PIGZ: variants seen among roughly 807,000 people sequenced by gnomAD.
The protein encoded by PIGZ is phosphatidylinositol glycan anchor biosynthesis class Z (Gwada blood group).
PIGZ carries 16 observed loss-of-function variants against 16.4 expected under a neutral mutation model. The ratio of observed to expected loss-of-function variants is 0.97; its 90% CI spans 0.66 to 1.48. The LOEUF (loss-of-function observed/expected upper bound fraction) is 1.48. PIGZ is among the 40% of genes most tolerant of loss of function. The probability of loss-of-function intolerance (pLI) is 0.00; values close to 1 mark genes in which losing one functional copy is unlikely to be tolerated. For missense variants in PIGZ, 770 were observed against 739.2 expected, an observed-to-expected ratio of 1.04 and a Z score of -0.48; for synonymous variants, 409 against 338.4, an observed-to-expected ratio of 1.21 and a Z score of -2.29.
At chr3:196,968,213 G>A (rs762119730) in intron 1 of PIGZ, among the ~76,000 whole-genome samples, 1 of 152,194 alleles carries the variant, frequency 6.6e-6, no homozygotes, top group African/African-American at 2.4e-5. Flanking sequence ...CCCCGAGGCC[G>A]GGAGCCGAGA....
At position 196,949,229 on chromosome 3, in the gene PIGZ, C is replaced by T. The variant is rs528401320; in HGVS notation, c.212-544G>A. Reference sequence around the variant, plus strand: ...CAGGTTTGAGCCACTGCACCTGGCCCGCAGGATGGACTGTATCCTGAGATT... The same window carrying T: ...CAGGTTTGAGCCACTGCACCTGGCCTGCAGGATGGACTGTATCCTGAGATT... On this transcript the variant is annotated intron_variant, in intron 2 of 2. Transcript: ENST00000412723. Among the ~76,000 whole-genome samples, 5 of 151,912 alleles carry T rather than the reference C, an allele frequency of 3.3e-5. No homozygotes were observed. In the South Asian group the frequency reaches 8.3e-4, roughly 25 times the overall value.
intron 1 of PIGZ, among the ~76,000 whole-genome samples, chr3:196,953,160 A>G (rs549091625): frequency 1.3e-3 from 205 of 152,280 alleles, no homozygotes; most frequent in African/African-American, 4.7e-3. Context: ...CCAGTTCCCT[A>G]TTGTTTCTGT....
In PIGZ at chr3:196,965,262, G is replaced by A. The variant is rs1358294374; in HGVS notation, c.-1+3425C>T. Among the ~76,000 whole-genome samples the A allele has an allele frequency of 2.0e-5, 3 of 152,212 alleles. No individual in the cohort carries two copies. The highest frequency in any genetic ancestry group is 1.9e-4 in the East Asian group (1 of 5,196). On this transcript the variant is annotated intron_variant, in intron 1 of 2. Coordinates refer to ENST00000412723, the MANE Select transcript of PIGZ (RefSeq NM_025163.4). The surrounding 1 kb of genome is among the most constrained non-coding windows in gnomAD (Gnocchi z 4.2). ...GTTTCAGGAAACTTACAGTCATAGC[G>A]GAAGGGGAAGCAGGCACCTCTTCAC...
In PIGZ at chr3:196,951,903, C is replaced by T; in HGVS notation, c.129G>A (p.Leu43=). ...GAAGGAGACACCACAGCACTCGGAG[C>T]AGGCTGAGACCACCCCAAAGCACCC... ...AVRVLWGGLS[L]LRVLWCLLPQ... Residue 43 remains leucine (L), a synonymous_variant, in exon 2 of 3, where the codon CTG becomes CTA. Transcript: ENST00000412723. The T allele has an allele frequency of 6.2e-7, 1 of 1,614,178 alleles. No individual in the cohort carries two copies. The highest frequency in any genetic ancestry group is 8.5e-7 in the Non-Finnish European group (1 of 1,180,026).
At position 196,948,951 on chromosome 3, in the gene PIGZ, C is replaced by T. The variant is rs114798900; in HGVS notation, c.212-266G>A. 4.7e-3 allele frequency among the ~76,000 whole-genome samples: 68 copies of T among 14,394 alleles called. 12 individuals are homozygous for T. Among genetic ancestry groups the T allele is most frequent in the East Asian group, 0.013 (3 of 230 alleles). 9.4% of individuals were successfully genotyped at this position (14,394 alleles called of 152,430 possible). On this transcript the variant is annotated intron_variant, in intron 2 of 2. Coordinates refer to ENST00000412723, the MANE Select transcript of PIGZ (RefSeq NM_025163.4). ...TCCCTTTACTTCCCTTCCTTCCCCT[C>T]CCCTCCCTTCCTTCCCTTCCCCTCC...
rs1405407502 is a variant in PIGZ at position 196,947,663 on chromosome 3, A to G, written c.1234T>C (p.Trp412Arg). Residue 412 changes from tryptophan (W) to arginine (R), a missense_variant, in exon 3 of 3, where the codon TGG becomes CGG. By Grantham distance (101) the Trp-to-Arg change is moderately radical. Coordinates refer to ENST00000412723, the MANE Select transcript of PIGZ (RefSeq NM_025163.4). ...LCSPQTQPVP[W>R]KGTVVLFNAL... Reference sequence around the variant, plus strand: ...TTGAAGAGGACCACAGTGCCCTTCCAAGGCACAGGCTGCGTCTGTGGACTA... The same window carrying G: ...TTGAAGAGGACCACAGTGCCCTTCCGAGGCACAGGCTGCGTCTGTGGACTA... 6.2e-7 allele frequency: 1 copy of G among 1,611,624 alleles called. No homozygotes were observed. The highest frequency in any genetic ancestry group is 1.3e-5 in the African/African-American group (1 of 75,042).
intron 1 of PIGZ, among the ~76,000 whole-genome samples, chr3:196,957,660 G>A (rs1012517461): frequency 6.6e-6 from 1 of 152,166 alleles, no homozygotes; most frequent in Admixed American, 6.5e-5. Context: ...GATTACAGGC[G>A]TGAGCCACTG....
chr3:196,947,502 GGT>G lies in PIGZ; in HGVS notation c.1393_1394del (p.Thr465LeufsTer26), dbSNP rs1560177231. On this transcript the variant is annotated frameshift_variant, in exon 3 of 3. Coordinates refer to ENST00000412723, the MANE Select transcript of PIGZ (RefSeq NM_025163.4). LOFTEE classifies it high-confidence loss of function. ...GTAGGAGGTGCCGGGGGGGCATGTA[GGT>G]GTGAGTGAAGAGGAGTGTGTAGTGG... ...PTHYTLLFTH[T>X]YMPPRHLLHL... The G allele has an allele frequency of 6.2e-7, 1 of 1,613,724 alleles. No homozygotes were observed. The highest frequency in any genetic ancestry group is 1.7e-5 in the Admixed American group (1 of 60,034).
At chr3:196,955,860 T>C (rs1717465366) in intron 1 of PIGZ, among the ~76,000 whole-genome samples, 1 of 152,134 alleles carries the variant, frequency 6.6e-6, no homozygotes, top group African/African-American at 2.4e-5. Flanking sequence ...ATTACAGATG[T>C]CAGCCACTGC....
At position 196,947,819 on chromosome 3, in the gene PIGZ, G is replaced by A. The variant is rs150517093; in HGVS notation, c.1078C>T (p.Arg360Trp). The A allele has an allele frequency of 4.1e-4, 663 of 1,608,830 alleles. No individual in the cohort carries two copies. Among genetic ancestry groups the A allele is most frequent in the Non-Finnish European group, 5.5e-4 (647 of 1,176,680 alleles). The change falls in exon 3 of 3, where the codon CGG becomes TGG. Residue 360 changes from arginine to tryptophan, a missense_variant. By Grantham distance (101) the Arg-to-Trp change is moderately radical (BLOSUM62 -3). Transcript: ENST00000412723. ...GACCTGGGGCTGGACAGCAGGCTCCGGGCACCCAGTGCCCTCAGGAGGCCC... is the reference window on the plus strand; with the variant it reads ...GACCTGGGGCTGGACAGCAGGCTCCAGGCACCCAGTGCCCTCAGGAGGCCC... The part of the protein sequence containing the change: ...QMGLLRALGA[R>W]SLLSSPRSYL...
intron 2 of PIGZ, among the ~76,000 whole-genome samples, chr3:196,949,045 TCCC>T: frequency 1.7e-5 from 1 of 59,966 alleles, no homozygotes; most frequent in Non-Finnish European, 2.9e-5. Context: ...CTTCCTTCCT[TCCC>T]TTCCCTTCCT....
chr3:196,955,745 A>G (rs920323793), intron 1 of PIGZ, among the ~76,000 whole-genome samples: 1 of 150,974 alleles, frequency 6.6e-6, no homozygotes, highest in Admixed American at 6.6e-5. Context: ...CGGCTGCCTA[A>G]TTTTTGTATT....
At chr3:196,959,585 C>G (rs557148284) in intron 1 of PIGZ, among the ~76,000 whole-genome samples, 1 of 152,134 alleles carries the variant, frequency 6.6e-6, no homozygotes, top group Admixed American at 6.5e-5. Context: ...AACAACCAAC[C>G]AAAACTCCCT....
intron 1 of PIGZ, among the ~76,000 whole-genome samples, chr3:196,952,568 G>A (rs1717331191): frequency 6.6e-6 from 1 of 152,166 alleles, no homozygotes; most frequent in African/African-American, 2.4e-5. Flanking sequence ...CTCCTGAGAA[G>A]CTGGGATTAC....
chr3:196,948,496 G>A lies in PIGZ; in HGVS notation c.401C>T (p.Thr134Ile), dbSNP rs745679857. The change falls in exon 3 of 3, where the codon ACT (threonine) becomes ATT (isoleucine). Residue 134 changes from threonine to isoleucine, a missense_variant. By Grantham distance (89) the Thr-to-Ile change is moderately conservative. Coordinates refer to ENST00000412723, the MANE Select transcript of PIGZ (RefSeq NM_025163.4). ...ALLVGPRLLL[T>I]ALSFALDGAV... ...CCCGTCCAGAGCAAAGGAAAGGGCA[G>A]TGAGGAGGAGTCGAGGCCCCACCAG... The A allele has an allele frequency of 3.7e-6, 6 of 1,613,372 alleles. No individual in the cohort carries two copies. The highest frequency in any genetic ancestry group is 5.1e-6 in the Non-Finnish European group (6 of 1,179,680).
Position 196,948,237 on chromosome 3 carries a change from C to T in PIGZ, c.660G>A (p.Val220=), listed in dbSNP as rs2108896187. ...TGGGCCGGTTGAAGAAGCCAGCAGC[C>T]ACAATGCCTCCAAGAAGCCAGCTGC... The part of the protein sequence containing the change: ...RWRSWLLGGI[V]AAGFFNRPTF... The change falls in exon 3 of 3, where the codon GTG becomes GTA. Residue 220 remains valine (V), a synonymous_variant. Coordinates refer to ENST00000412723, the MANE Select transcript of PIGZ (RefSeq NM_025163.4). 3.1e-6 allele frequency: 5 copies of T among 1,614,174 alleles called. No homozygotes were observed. The highest frequency in any genetic ancestry group is 2.2e-5 in the East Asian group (1 of 44,880).
chr3:196,965,241 C>T lies in PIGZ; in HGVS notation c.-1+3446G>A, dbSNP rs1717879312. Among the ~76,000 whole-genome samples, 1 of 152,134 alleles carries T rather than the reference C, an allele frequency of 6.6e-6. No individual in the cohort carries two copies. The highest frequency in any genetic ancestry group is 2.4e-5 in the African/African-American group (1 of 41,402). On this transcript the variant is annotated intron_variant, in intron 1 of 2. Transcript: ENST00000412723. The surrounding 1 kb of genome is among the most constrained non-coding windows in gnomAD (Gnocchi z 4.2). The stretch of plus-strand genomic sequence containing the variant: ...CAGTTCTACATTGCTGGGGAAGTTT[C>T]AGGAAACTTACAGTCATAGCGGAAG...
In PIGZ at chr3:196,947,748, G is replaced by A. The variant is rs1716970234; in HGVS notation, c.1149C>T (p.Ala383=). The change falls in exon 3 of 3, where the codon GCC becomes GCT. Residue 383 remains alanine (A), a synonymous_variant. Transcript: ENST00000412723. Reference sequence around the variant, plus strand: ...GGAACCGAGCCTCCTGGTGGCTAAAGGCAGATAGCAGGGCCAGAGGCATGA... The same window carrying A: ...GGAACCGAGCCTCCTGGTGGCTAAAAGCAGATAGCAGGGCCAGAGGCATGA... ...LYFMPLALLS[A]FSHQEARFLI... 3 of 1,612,762 alleles carry A rather than the reference G, an allele frequency of 1.9e-6. No homozygotes were observed. The highest frequency in any genetic ancestry group is 2.5e-6 in the Non-Finnish European group (3 of 1,179,384).
At chr3:196,968,659 G>T (rs1339170623) in intron 1 of PIGZ, 28 bp downstream of exon 1, 1 of 152,290 alleles carries the variant, frequency 6.6e-6, no homozygotes. Flanking sequence ...CGCTCCTCTG[G>T]AGCCGCTGGG....
Sources: allele counts gnomAD v4.1 joint callset (sites outside exome capture counted in the v4.1 genomes callset), GRCh38; gene constraint gnomAD v4.1.1; non-coding constraint Gnocchi (gnomAD v3.1); transcripts MANE v1.5; gene names NCBI Gene and HGNC (gene_info 2026-07-23, HGNC 2026-07-21).